Variants in PITPNC1 observed in about 807,000 individuals in gnomAD.
The protein encoded by PITPNC1 is phosphatidylinositol transfer protein cytoplasmic 1.
Under a neutral mutation model 44.7 loss-of-function variants are expected in PITPNC1, and 18 were observed. The ratio of observed to expected loss-of-function variants is 0.40; its 90% confidence interval spans 0.28 to 0.60. The LOEUF (loss-of-function observed/expected upper bound fraction) is 0.60. Among genes scored for constraint, PITPNC1 ranks in the 20% least tolerant of loss-of-function variants. The probability of loss-of-function intolerance (pLI) is 0.39; values close to 1 mark genes in which losing one functional copy is unlikely to be tolerated. For synonymous variants in PITPNC1, 141 were observed against 149.6 expected, an observed-to-expected ratio of 0.94 and a Z score of 0.42; for missense variants, 290 against 418.4, an observed-to-expected ratio of 0.69 and a Z score of 2.68.
At chr17:67,491,082 G>C (rs1335074629) in intron 1 of PITPNC1, among the ~76,000 whole-genome samples, 1 of 152,328 alleles carries the variant, frequency 6.6e-6, no homozygotes, top group East Asian at 1.9e-4. Flanking sequence ...TTACTTCCAT[G>C]GTGACTTCTT....
At chr17:67,563,984 AGATG>A (rs1157284467) in intron 4 of PITPNC1, among the ~76,000 whole-genome samples, 3 of 152,064 alleles carry the variant, frequency 2.0e-5, no homozygotes, top group Admixed American at 6.6e-5. Context: ...TAGATAAGAG[AGATG>A]GATAGATAGA....
chr17:67,472,132 AT>A (rs1040119151), intron 1 of PITPNC1, among the ~76,000 whole-genome samples: 1 of 151,790 alleles, frequency 6.6e-6, no homozygotes, highest in African/African-American at 2.4e-5. Flanking sequence ...TATCTACCTG[AT>A]TGCTCACTGG....
intron 1 of PITPNC1, among the ~76,000 whole-genome samples, chr17:67,474,830 T>A (rs1348819760): frequency 1.3e-5 from 2 of 151,810 alleles, no homozygotes; most frequent in African/African-American, 2.4e-5. Context: ...GCTTTTTTTT[T>A]TTTCTTGAAG....
rs1555574521 is a variant in PITPNC1 at position 67,631,657 on chromosome 17, A to AAT, written c.367-472_367-471dup. Among the ~76,000 whole-genome samples the AAT allele has an allele frequency of 3.0e-3, 23 of 7,684 alleles. 2 individuals are homozygous for AAT. Among genetic ancestry groups the AAT allele is most frequent in the Non-Finnish European group, 5.0e-3 (17 of 3,412 alleles). The allele number at this position is 7,684 out of a possible 152,430, so 5.0% of individuals were successfully genotyped here. On this transcript the variant is annotated intron_variant, in intron 5 of 8. Coordinates refer to ENST00000581322, the MANE Select transcript of PITPNC1 (RefSeq NM_012417.4). ...AACCAAAAAAAAAAAAAAAAAAAAA[A>AAT]ATATATATATATATAAAATATATAT...
chr17:67,465,868 T>C (rs770064128), intron 1 of PITPNC1, among the ~76,000 whole-genome samples: 5 of 151,660 alleles, frequency 3.3e-5, no homozygotes, highest in Non-Finnish European at 5.9e-5. Flanking sequence ...AGATGATGTA[T>C]GGGATGGGGG....
chr17:67,552,908 T>G (rs1443253740), intron 3 of PITPNC1, among the ~76,000 whole-genome samples: 1 of 152,128 alleles, frequency 6.6e-6, no homozygotes, highest in African/African-American at 2.4e-5. Flanking sequence ...CCTCAATAAT[T>G]CCCAAGTAAT....
chr17:67,437,743 T>A (rs1598662011), intron 1 of PITPNC1, among the ~76,000 whole-genome samples: 1 of 151,574 alleles, frequency 6.6e-6, no homozygotes, highest in African/African-American at 2.4e-5. Flanking sequence ...CCAGAGGAGG[T>A]CCCTGAGAAC....
In PITPNC1 at chr17:67,556,233, A is replaced by G. The variant is rs569418574; in HGVS notation, c.294+2616A>G. Among the ~76,000 whole-genome samples the G allele has an allele frequency of 3.9e-5, 6 of 152,296 alleles. No individual in the cohort carries two copies. The South Asian group carries it at 1.2e-3, about 32-fold the overall frequency. ...CATTGGGGCCTTGAGTTTTGGGGAC[A>G]GGGCTACAGTCCCCAATGTGGGAGA... is the stretch of plus-strand genomic sequence containing the variant. On this transcript the variant is annotated intron_variant, in intron 4 of 8. Coordinates refer to ENST00000581322, the MANE Select transcript of PITPNC1 (RefSeq NM_012417.4).
intron 5 of PITPNC1, among the ~76,000 whole-genome samples, chr17:67,618,896 A>G (rs1280858063): frequency 6.6e-6 from 1 of 151,952 alleles, no homozygotes; most frequent in African/African-American, 2.4e-5. Flanking sequence ...CATCTCTACT[A>G]AAAATACAAA....
intron 1 of PITPNC1, among the ~76,000 whole-genome samples, chr17:67,472,667 G>A (rs1391495470): frequency 6.7e-6 from 1 of 150,296 alleles, no homozygotes; most frequent in African/African-American, 2.5e-5. Flanking sequence ...AAAAAAAAAA[G>A]GTCTGTGCAT....
intron 1 of PITPNC1, among the ~76,000 whole-genome samples, chr17:67,416,553 A>T (rs1394631435): frequency 2.0e-5 from 3 of 151,764 alleles, no homozygotes; most frequent in African/African-American, 7.3e-5. Flanking sequence ...AGCATTGTAT[A>T]TTTTACCCAC....
intron 1 of PITPNC1, among the ~76,000 whole-genome samples, chr17:67,381,304 G>T (rs542713321): frequency 6.1e-4 from 89 of 146,852 alleles, no homozygotes; most frequent in African/African-American, 2.2e-3. Flanking sequence ...CTCCAGCCTG[G>T]GCGACAGAAC....
At chr17:67,452,009 T>C (rs1290840482) in intron 1 of PITPNC1, among the ~76,000 whole-genome samples, 1 of 151,740 alleles carries the variant, frequency 6.6e-6, no homozygotes, top group Non-Finnish European at 1.5e-5. Context: ...TGGTTGGGTT[T>C]TTTTTTTGTT....
chr17:67,418,152 C>T lies in PITPNC1; in HGVS notation c.48+39950C>T, dbSNP rs557015884. Among the ~76,000 whole-genome samples, 8 of 152,296 alleles carry T rather than the reference C, an allele frequency of 5.3e-5. No individual in the cohort carries two copies. In the South Asian group the frequency reaches 1.7e-3, roughly 32 times the overall value. On this transcript the variant is annotated intron_variant, in intron 1 of 8. Transcript: ENST00000581322. ...GATTTGGATCTTTAAGGCTCCCAGGCACATGACTTTATTCTCAGGAGATGG... is the reference window on the plus strand; with the variant it reads ...GATTTGGATCTTTAAGGCTCCCAGGTACATGACTTTATTCTCAGGAGATGG...
intron 5 of PITPNC1, among the ~76,000 whole-genome samples, chr17:67,608,195 A>G (rs956227620): frequency 2.5e-4 from 38 of 151,670 alleles, no homozygotes; most frequent in African/African-American, 8.0e-4. Flanking sequence ...TGTTTTTTCA[A>G]TAGCAAATAA....
intron 5 of PITPNC1, among the ~76,000 whole-genome samples, chr17:67,593,146 A>G (rs532611695): frequency 9.9e-4 from 151 of 152,370 alleles, no homozygotes; most frequent in African/African-American, 3.6e-3. Flanking sequence ...TCATTTAAGA[A>G]TATCTTATTT....
At chr17:67,482,440 C>A (rs1014242895) in intron 1 of PITPNC1, among the ~76,000 whole-genome samples, 3 of 152,040 alleles carry the variant, frequency 2.0e-5, no homozygotes, top group Non-Finnish European at 2.9e-5. Context: ...ACAATAAGAT[C>A]AAATTTTGCA....
At chr17:67,416,069 C>T (rs960054226) in intron 1 of PITPNC1, among the ~76,000 whole-genome samples, 4 of 152,038 alleles carry the variant, frequency 2.6e-5, no homozygotes, top group South Asian at 2.1e-4. Flanking sequence ...GAAAATAGCA[C>T]GTGGCGGGTG....
intron 6 of PITPNC1, among the ~76,000 whole-genome samples, chr17:67,665,750 A>G (rs2042412672): frequency 2.0e-5 from 3 of 152,236 alleles, no homozygotes; most frequent in African/African-American, 7.2e-5. Flanking sequence ...CCCACCTGCC[A>G]GACCCATGAC....
Sources: allele counts gnomAD v4.1 joint callset (sites outside exome capture counted in the v4.1 genomes callset), GRCh38; gene constraint gnomAD v4.1.1; transcripts MANE v1.5; gene names NCBI Gene and HGNC (gene_info 2026-07-23, HGNC 2026-07-21).